Variants in MAP7D3 observed in about 807,000 individuals in gnomAD.
MAP7D3 encodes the protein MAP7 domain containing 3.
In MAP7D3, 45 loss-of-function variants were observed where a neutral mutation model predicts 62.2. The ratio of observed to expected loss-of-function variants is 0.72; its 90% confidence interval spans 0.57 to 0.93. The LOEUF (loss-of-function observed/expected upper bound fraction) is 0.93, where lower values mean the gene tolerates loss of function less well. Ranked by LOEUF, MAP7D3 falls within the 40% of genes least tolerant of loss-of-function variation. The probability of loss-of-function intolerance (pLI) is 0.00; values close to 1 mark genes in which losing one functional copy is unlikely to be tolerated. For missense variants in MAP7D3, 711 were observed against 683.1 expected, an observed-to-expected ratio of 1.04 and a Z score of -0.45; for synonymous variants, 288 against 248.8, an observed-to-expected ratio of 1.16 and a Z score of -1.48.
At chrX:136,219,329 C>A in intron 18 of MAP7D3, 69 bp downstream of exon 18, 1 of 609,837 alleles carries the variant, frequency 1.6e-6, no homozygotes, top group Non-Finnish European at 2.6e-6. Flanking sequence ...CCTGGAATGG[C>A]TAGAAGGAGG....
intron 9 of MAP7D3, 56 bp downstream of exon 9, chrX:136,230,783 A>G (rs200732516): frequency 2.6e-4 from 295 of 1,141,092 alleles, no homozygotes; most frequent in Non-Finnish European, 3.2e-4. Flanking sequence ...AAACATTGAC[A>G]TGGAATTTGT....
intron 7 of MAP7D3, among the ~76,000 whole-genome samples, chrX:136,233,361 G>A (rs2074293511): frequency 1.9e-5 from 2 of 104,822 alleles, no homozygotes; most frequent in Non-Finnish European, 3.9e-5. Context: ...TGCAACCTCC[G>A]CCTCCCAGGT....
chrX:136,226,132 T>C, intron 12 of MAP7D3, 119 bp from the exon 13 acceptor site: 1 of 473,548 alleles, frequency 2.1e-6, no homozygotes, highest in African/African-American at 2.4e-5. Flanking sequence ...GTGTAACCTT[T>C]TGAATGAGGG....
Position 136,220,967 on chromosome X carries a change from G to A in MAP7D3, c.2288-4C>T. 1.7e-6 allele frequency: 2 copies of A among 1,158,386 alleles called. No homozygotes were observed. The highest frequency in any genetic ancestry group is 2.4e-6 in the Non-Finnish European group (2 of 850,686). On this transcript the variant is annotated splice_region_variant and splice_polypyrimidine_tract_variant and intron_variant, in intron 15 of 18. Transcript: ENST00000316077. ...GAGCCTGTGCCATTTAGAATGGCTA[G>A]GAAAAAAAATTACACAATTAAATAT... is the stretch of plus-strand genomic sequence containing the variant.
chrX:136,241,165 T>C lies in MAP7D3; in HGVS notation c.530A>G (p.Lys177Arg), dbSNP rs1433159402. 1 of 1,121,664 alleles carries C rather than the reference T, an allele frequency of 8.9e-7. No homozygotes were observed. The highest frequency in any genetic ancestry group is 3.1e-5 in the East Asian group (1 of 32,768). 92.4% of individuals were successfully genotyped at this position (1,121,664 alleles called of 1,213,427 possible). A position where few individuals can be genotyped will look rare whatever the true frequency, so the allele number is the denominator to read the frequency against. Residue 177 changes from lysine to arginine, a missense_variant, in exon 5 of 19, where the codon AAA becomes AGA. Transcript: ENST00000316077. ...GGSAMANSES[K>R]TANKRSASTE... ...TTAATGGGTGTATTAATTACCAGTT[T>C]TGCTCTCAGAATTCGCCATTGCAGA...
chrX:136,253,229 GAC>G (rs976459229), upstream of MAP7D3, among the ~76,000 whole-genome samples: 2 of 112,146 alleles, frequency 1.8e-5, no homozygotes, highest in Non-Finnish European at 3.8e-5. Flanking sequence ...TTATTAATAC[GAC>G]ACACATATGA....
chrX:136,244,823 G>C, intron 3 of MAP7D3, 28 bp from the exon 4 acceptor site: 2 of 1,110,259 alleles, frequency 1.8e-6, no homozygotes, highest in Non-Finnish European at 2.4e-6. Context: ...CATTTTCAAG[G>C]TGTAAGAGCC....
intron 7 of MAP7D3, among the ~76,000 whole-genome samples, chrX:136,233,082 G>A (rs975792481): frequency 9.0e-6 from 1 of 111,171 alleles, no homozygotes; most frequent in Admixed American, 9.6e-5. Flanking sequence ...CAAAGGAAAT[G>A]TAGACCATAT....
At chrX:136,250,200 G>A (rs763432925) in intron 1 of MAP7D3, among the ~76,000 whole-genome samples, 1 of 112,153 alleles carries the variant, frequency 8.9e-6, no homozygotes, top group Non-Finnish European at 1.9e-5. Context: ...TCTTTGGAGA[G>A]CTGATTCAAA....
At chrX:136,216,389 AGAG>A (rs1173147168), downstream of MAP7D3, among the ~76,000 whole-genome samples, 6 of 104,330 alleles carry the variant, frequency 5.8e-5, no homozygotes, top group African/African-American at 1.7e-4. Context: ...AAAGAAAAAA[AGAG>A]AAGAAGAAAG....
intron 10 of MAP7D3, chrX:136,229,012 T>C (rs2074231163): frequency 5.3e-6 from 1 of 187,318 alleles, no homozygotes; most frequent in Non-Finnish European, 9.8e-6. Context: ...ACTTTCGTTT[T>C]AGTGGTTTTG....
chrX:136,227,572 G>A (rs1374290987), intron 11 of MAP7D3, 141 bp from the exon 12 acceptor site: 2 of 400,793 alleles, frequency 5.0e-6, no homozygotes, highest in Non-Finnish European at 4.1e-6. Context: ...CTTCTGTGTT[G>A]TTACTATATA....
chrX:136,232,201 AT>A lies in MAP7D3; in HGVS notation c.755del (p.Tyr252LeufsTer2). On this transcript the variant is annotated frameshift_variant, in exon 8 of 19. Transcript: ENST00000316077. LOFTEE classifies it high-confidence loss of function. ...AGGGTACAGTGACATACTGCATTAC[AT>A]AATTGGTGACGCCTGTAACTGAATG... ...RKPRVTGVTN[Y>X]VMQYVTVPLR... 1 of 1,198,715 alleles carries A rather than the reference AT, an allele frequency of 8.3e-7. No homozygotes were observed. The highest frequency in any genetic ancestry group is 1.1e-6 in the Non-Finnish European group (1 of 885,642).
At chrX:136,225,519 GCCTCTCAAAGAGGCC>G (rs1484028935) in intron 13 of MAP7D3, among the ~76,000 whole-genome samples, 1 of 111,811 alleles carries the variant, frequency 8.9e-6, no homozygotes, top group Non-Finnish European at 1.9e-5. Context: ...CTGCACCTTG[GCCTCTCAAAGAGGCC>G]TACAGTTTGT....
intron 16 of MAP7D3, 79 bp from the exon 17 acceptor site, chrX:136,219,750 T>C (rs760362767): frequency 3.9e-5 from 29 of 745,484 alleles, no homozygotes; most frequent in Non-Finnish European, 5.7e-5. Flanking sequence ...TGTCCTTTAA[T>C]TAACTTCTAA....
rs1197563377 is a variant in MAP7D3, at chrX:136,217,231, A to G, written c.*1295T>C. The G allele has an allele frequency of 1.8e-5, 2 of 112,380 alleles. No homozygotes were observed. The highest frequency in any genetic ancestry group is 3.8e-5 in the Non-Finnish European group (2 of 53,252). 9.3% of individuals were successfully genotyped at this position (112,380 alleles called of 1,213,427 possible). ...CATCTGTGTGCATTTCTGTGTGCCC[A>G]TCACACGAACTCACTGGCAGCCAGT... On this transcript the variant is annotated 3_prime_UTR_variant, in exon 19 of 19. Transcript: ENST00000316077.
At position 136,232,031 on chromosome X, in the gene MAP7D3, A is replaced by G. The variant is rs1424791607; in HGVS notation, c.926T>C (p.Val309Ala). The change falls in exon 8 of 19, where the codon GTG (valine) becomes GCG (alanine). Residue 309 changes from valine to alanine, a missense_variant. By Grantham distance (64) the Val-to-Ala change is moderately conservative. Transcript: ENST00000316077. ...PKASVDAPPQ[V>A]NVEVFCNTSM... ...TGTGTTGCAGAATACTTCCACATTC[A>G]CCTGGGGGGGTGCATCCACACTTGC... The G allele has an allele frequency of 1.7e-6, 2 of 1,209,282 alleles. No homozygotes were observed. Among genetic ancestry groups the G allele is most frequent in the South Asian group, 3.5e-5 (2 of 56,850 alleles).
In MAP7D3 at chrX:136,231,954, T is replaced by TG; in HGVS notation, c.1002dup (p.Thr335HisfsTer19). On this transcript the variant is annotated frameshift_variant, in exon 8 of 19. Transcript: ENST00000316077. LOFTEE classifies it high-confidence loss of function. ...ACGCTCACCACAGGGAATGAGTCCG[T>TG]GCTCACCTCAGGGGCCATGCCCACA... 1.7e-6 allele frequency: 2 copies of TG among 1,211,154 alleles called. No individual in the cohort carries two copies. The highest frequency in any genetic ancestry group is 3.5e-5 in the South Asian group (2 of 56,945).
intron 7 of MAP7D3, among the ~76,000 whole-genome samples, chrX:136,235,427 G>A (rs2148412101): frequency 8.9e-6 from 1 of 111,814 alleles, no homozygotes; most frequent in Admixed American, 9.5e-5. Context: ...CACGTGAAAG[G>A]AAAATGCTAG....
Sources: gnomAD v4.1 joint callset for allele counts (sites outside exome capture counted in the v4.1 genomes callset) on GRCh38, gnomAD v4.1.1 for gene constraint, MANE v1.5 for transcripts, NCBI Gene and HGNC (gene_info 2026-07-23, HGNC 2026-07-21) for gene names.